GRK3: variants seen among roughly 807,000 people sequenced by gnomAD.
GRK3 encodes adrenergic, beta, receptor kinase 2.
Under a neutral mutation model 95.7 loss-of-function variants are expected in GRK3, and 54 were observed. The ratio of observed to expected loss-of-function variants is 0.56; its 90% CI spans 0.45 to 0.71. The LOEUF is 0.71. Ranked by LOEUF, GRK3 falls within the 30% of genes least tolerant of loss-of-function variation. The pLI, the probability that GRK3 is intolerant of heterozygous loss-of-function variation, is 0.00. For synonymous variants in GRK3, 281 were observed against 290.8 expected, an observed-to-expected ratio of 0.97 and a Z score of 0.34; for missense variants, 649 against 851.2, an observed-to-expected ratio of 0.76 and a Z score of 2.96.
chr22:25,587,406 T>C (rs1932351877), intron 1 of GRK3, among the ~76,000 whole-genome samples: 1 of 152,168 alleles, frequency 6.6e-6, no homozygotes. Context: ...TCTGAAATGA[T>C]TCTTACAACT....
At chr22:25,601,731 AGAAG>A (rs1431280453) in intron 1 of GRK3, among the ~76,000 whole-genome samples, 3 of 152,202 alleles carry the variant, frequency 2.0e-5, no homozygotes, top group African/African-American at 4.8e-5. Context: ...AGAAAAAGAA[AGAAG>A]GAAGTCTTTT....
chr22:25,595,233 A>G (rs2084364554), intron 1 of GRK3, among the ~76,000 whole-genome samples: 1 of 152,212 alleles, frequency 6.6e-6, no homozygotes, highest in Non-Finnish European at 1.5e-5. Context: ...TTTGCCGATG[A>G]TAATGATTCT....
chr22:25,684,945 A>G (rs2085101290), intron 9 of GRK3, among the ~76,000 whole-genome samples: 1 of 152,242 alleles, frequency 6.6e-6, no homozygotes, highest in Admixed American at 6.5e-5. Flanking sequence ...ACCACAAAGA[A>G]GTGATAATGT....
At chr22:25,711,469 A>T (rs372612956) in intron 17 of GRK3, among the ~76,000 whole-genome samples, 23 of 152,304 alleles carry the variant, frequency 1.5e-4, no homozygotes, top group African/African-American at 5.1e-4. Flanking sequence ...GATATCAAAC[A>T]TACTTCCCTA....
At chr22:25,671,025 G>A (rs1569187465) in intron 6 of GRK3, among the ~76,000 whole-genome samples, 1 of 150,156 alleles carries the variant, frequency 6.7e-6, no homozygotes, top group Non-Finnish European at 1.5e-5. Flanking sequence ...CTGCACTACA[G>A]TCTGGGGACA....
chr22:25,724,308 T>C lies in GRK3; in HGVS notation c.*1858T>C, dbSNP rs2085457640. On this transcript the variant is annotated 3_prime_UTR_variant, in exon 21 of 21. Transcript: ENST00000324198. ...CGCTGGGCCTCATGCCTGTTCTAGA[T>C]CTCCAGGATAAAGGGCCTGCTGTTG... The C allele has an allele frequency of 1.3e-5, 2 of 152,196 alleles. No individual in the cohort carries two copies. The highest frequency in any genetic ancestry group is 2.4e-5 in the African/African-American group (1 of 41,436). The allele number at this position is 152,196 out of a possible 1,614,324, so 9.4% of individuals were successfully genotyped here. A position where few individuals can be genotyped will look rare whatever the true frequency, so the allele number is the denominator to read the frequency against.
intron 2 of GRK3, among the ~76,000 whole-genome samples, chr22:25,611,186 G>A (rs2084494662): frequency 6.6e-6 from 1 of 152,176 alleles, no homozygotes; most frequent in African/African-American, 2.4e-5. Context: ...ACTTCATTCA[G>A]CAGTTGATGG....
rs1356765288 is a variant in GRK3, at chr22:25,663,669, T to A, written c.406T>A (p.Leu136Ile). 6.2e-7 allele frequency: 1 copy of A among 1,611,846 alleles called. No homozygotes were observed. Among genetic ancestry groups the A allele is most frequent in the Admixed American group, 1.7e-5 (1 of 59,878 alleles). Residue 136 changes from leucine to isoleucine, a missense_variant, in exon 5 of 21, where the codon TTA becomes ATA. Physicochemically the swap from Leu to Ile is conservative, Grantham distance 5. Around this residue, in one of 3 missense-constraint regions of GRK3, gnomAD observed 206 missense variants for 231.4 expected, o/e 0.89. Transcript: ENST00000324198. Reference protein sequence around the residue: ...KQAVEHVQSHLSKKQVTSTLF... With the variant: ...KQAVEHVQSHISKKQVTSTLF... ...AGCTGTAGAACACGTACAAAGTCATTTATCCAAGAAACAAGTGACATCAAC... is the reference window on the plus strand; with the variant it reads ...AGCTGTAGAACACGTACAAAGTCATATATCCAAGAAACAAGTGACATCAAC...
chr22:25,600,229 G>A (rs1275300151), intron 1 of GRK3, among the ~76,000 whole-genome samples: 4 of 149,466 alleles, frequency 2.7e-5, no homozygotes, highest in African/African-American at 7.4e-5. Context: ...TCACTGCAAC[G>A]TCCGCCTCCC....
intron 1 of GRK3, among the ~76,000 whole-genome samples, chr22:25,593,871 C>G (rs1261769356): frequency 6.6e-6 from 1 of 152,128 alleles, no homozygotes; most frequent in Non-Finnish European, 1.5e-5. Context: ...AGTCCTTTCT[C>G]TCTTATTTTT....
At position 25,685,262 on chromosome 22, in the gene GRK3, G is replaced by C. The variant is rs1240353684; in HGVS notation, c.826+14G>C. 10 of 1,596,612 alleles carry C rather than the reference G, an allele frequency of 6.3e-6. No homozygotes were observed. Among genetic ancestry groups the C allele is most frequent in the Non-Finnish European group, 7.7e-6 (9 of 1,164,376 alleles). ...ATCTGATGAACGGTAAGCAAAACTT[G>C]GAAAATCTGAATGCCTTGAAAGACT... On this transcript the variant is annotated intron_variant, in intron 10 of 20. Transcript: ENST00000324198.
At chr22:25,649,610 A>T (rs1442733835) in intron 3 of GRK3, among the ~76,000 whole-genome samples, 1 of 152,244 alleles carries the variant, frequency 6.6e-6, no homozygotes, top group Non-Finnish European at 1.5e-5. Context: ...TTGAGTGATA[A>T]AAAGCTATAC....
intron 2 of GRK3, among the ~76,000 whole-genome samples, chr22:25,620,009 TGTG>T (rs1569166766): frequency 0.017 from 1,581 of 92,608 alleles, 38 homozygotes; most frequent in South Asian, 0.027. Flanking sequence ...GTCTTTTTTG[TGTG>T]TGTGTGTGTG....
intron 19 of GRK3, among the ~76,000 whole-genome samples, chr22:25,720,537 C>T (rs552646928): frequency 2.6e-4 from 34 of 128,322 alleles, no homozygotes; most frequent in African/African-American, 9.1e-4. Context: ...AGTGCAGTGG[C>T]GCGATCTTGG....
intron 1 of GRK3, chr22:25,580,484 A>G (rs1431640251): frequency 6.6e-6 from 1 of 152,232 alleles, no homozygotes. Flanking sequence ...TAATTTTTAG[A>G]AATGCAAACT....
At chr22:25,580,531 TATTGATTG>T (rs1041447543) in intron 1 of GRK3, 1 of 152,312 alleles carries the variant, frequency 6.6e-6, no homozygotes, top group Non-Finnish European at 1.5e-5. Flanking sequence ...TGAGATTTGT[TATTGATTG>T]ATTGATTGAT....
chr22:25,648,268 A>G (rs1015792496), intron 3 of GRK3: 14 of 823,324 alleles, frequency 1.7e-5, no homozygotes, highest in Non-Finnish European at 3.0e-5. Context: ...AATGGTAGAT[A>G]CTATATCACA....
At chr22:25,616,248 G>A (rs2084537256) in intron 2 of GRK3, among the ~76,000 whole-genome samples, 1 of 152,172 alleles carries the variant, frequency 6.6e-6, no homozygotes, top group Non-Finnish European at 1.5e-5. Context: ...AACTTATGAA[G>A]AAAAGAGGTT....
intron 2 of GRK3, among the ~76,000 whole-genome samples, chr22:25,634,736 A>G (rs1188603967): frequency 1.3e-5 from 2 of 152,184 alleles, no homozygotes; most frequent in Non-Finnish European, 2.9e-5. Flanking sequence ...GGAAATTACT[A>G]ATTATAAAAG....
Sources: gnomAD v4.1 joint callset for allele counts (sites outside exome capture counted in the v4.1 genomes callset) on GRCh38, gnomAD v4.1.1 for gene constraint, gnomAD v4.1.1 regional missense constraint, MANE v1.5 for transcripts, NCBI Gene and HGNC (gene_info 2026-07-23, HGNC 2026-07-21) for gene names.